Variants in DHX30 observed in about 807,000 individuals in gnomAD.
The protein encoded by DHX30 is DExH-box helicase 30.
Under a neutral mutation model 116.9 loss-of-function variants are expected in DHX30, and 4 were observed. The observed-to-expected ratio is 0.03, with a 90% confidence interval of 0.02 to 0.08. DHX30 has a LOEUF of 0.08. Ranked by LOEUF, DHX30 falls within the 10% of genes least tolerant of loss-of-function variation. The pLI is 1.00. For missense variants in DHX30, 871 were observed against 1,595.1 expected (o/e 0.55, Z 7.73); for synonymous variants, 697 against 651.7 (o/e 1.07, Z -1.06).
At position 47,848,837 on chromosome 3, in the gene DHX30, T is replaced by G. The variant is rs2037751416; in HGVS notation, c.2769+20T>G. The G allele has an allele frequency of 1.2e-6, 2 of 1,602,974 alleles. No individual in the cohort carries two copies. The highest frequency in any genetic ancestry group is 1.1e-5 in the South Asian group (1 of 90,820). On this transcript the variant is annotated intron_variant, in intron 17 of 21. Transcript: ENST00000445061. The surrounding 1 kb of genome is among the most constrained non-coding windows in gnomAD (Gnocchi z 9.4). ...GACAAGGTCAGTCCTGGCTCCTTCC[T>G]GGAGCCGTCCACCCACTGCTGTTCT...
chr3:47,847,030 CT>C lies in DHX30; in HGVS notation c.1929+30del. The C allele has an allele frequency of 6.3e-7, 1 of 1,589,934 alleles. No homozygotes were observed. Among genetic ancestry groups the C allele is most frequent in the Non-Finnish European group, 8.6e-7 (1 of 1,166,548 alleles). ...AGGGACACCCCCATCCCACCCAAGGCTCCTGGCCTTTCCTCCGTGGATGCCC... is the reference window on the plus strand; with the variant it reads ...AGGGACACCCCCATCCCACCCAAGGCCCTGGCCTTTCCTCCGTGGATGCCC... On this transcript the variant is annotated intron_variant, in intron 11 of 21. Coordinates refer to ENST00000445061, the MANE Select transcript of DHX30 (RefSeq NM_138615.3). The surrounding 1 kb of genome is among the most constrained non-coding windows in gnomAD (Gnocchi z 5.5).
chr3:47,829,856 G>A (rs1223305924), intron 6 of DHX30, among the ~76,000 whole-genome samples: 2 of 149,834 alleles, frequency 1.3e-5, no homozygotes, highest in South Asian at 4.2e-4. Flanking sequence ...TTTAATTTTT[G>A]TTTGAGACGG....
chr3:47,845,039 T>G (rs993849273), intron 9 of DHX30, among the ~76,000 whole-genome samples: 1 of 151,960 alleles, frequency 6.6e-6, no homozygotes, highest in East Asian at 1.9e-4. Flanking sequence ...GGTCTGAGGG[T>G]ACATGTTGGG....
rs1039273030 is a variant in DHX30 at position 47,847,486 on chromosome 3, G to A, written c.2060G>A (p.Arg687His). The A allele has an allele frequency of 3.1e-6, 5 of 1,613,010 alleles. No individual in the cohort carries two copies. The highest frequency in any genetic ancestry group is 3.4e-6 in the Non-Finnish European group (4 of 1,179,378). ...GWQEIKGVQQRLQEALGMHES... is the reference protein window; with the variant it reads ...GWQEIKGVQQHLQEALGMHES... ...CAGGAGATCAAAGGAGTGCAGCAGC[G>A]CCTCCAGGAGGCCCTGGGCATGCAC... Residue 687 changes from arginine (R) to histidine (H), a missense_variant, in exon 13 of 22, where the codon CGC (arginine) becomes CAC (histidine). Arg to His is a conservative substitution (Grantham distance 29). Coordinates refer to ENST00000445061, the MANE Select transcript of DHX30 (RefSeq NM_138615.3). This position sits in a 1 kb window ranked among gnomAD's most constrained non-coding sequence, Gnocchi z 5.5.
At chr3:47,804,090 C>T (rs1398431795) in intron 1 of DHX30, among the ~76,000 whole-genome samples, 1 of 152,132 alleles carries the variant, frequency 6.6e-6, no homozygotes, top group Non-Finnish European at 1.5e-5. Context: ...AGGTGGTAAC[C>T]CCACTGTCAT....
intron 4 of DHX30, chr3:47,825,938 C>T (rs1489729469): frequency 1.3e-5 from 2 of 152,080 alleles, no homozygotes; most frequent in Admixed American, 1.3e-4. Context: ...TAGAGGGAGA[C>T]AGGATCAGGT....
At chr3:47,845,129 T>A (rs192353642) in intron 9 of DHX30, among the ~76,000 whole-genome samples, 2 of 152,216 alleles carry the variant, frequency 1.3e-5, no homozygotes, top group Admixed American at 1.3e-4. Context: ...CTCAGGGCCT[T>A]CTCCAGACGT....
In DHX30 at chr3:47,825,393, G is replaced by T. The variant is rs911294811; in HGVS notation, c.125-1954G>T. On this transcript the variant is annotated intron_variant, in intron 4 of 21. Transcript: ENST00000445061. ...GTTCGCCATCCGTCGGCGGGCAGCGGCCTTGCTGTTTGTAAAGCTTAGCGT... is the reference window on the plus strand; with the variant it reads ...GTTCGCCATCCGTCGGCGGGCAGCGTCCTTGCTGTTTGTAAAGCTTAGCGT... The T allele has an allele frequency of 9.5e-6, 5 of 524,920 alleles. No individual in the cohort carries two copies. The African/African-American group carries it at 1.0e-4, about 11-fold the overall frequency. The allele number at this position is 524,920 out of a possible 1,614,324, so 32.5% of individuals were successfully genotyped here. A position where few individuals can be genotyped will look rare whatever the true frequency, so the allele number is the denominator to read the frequency against.
intron 4 of DHX30, among the ~76,000 whole-genome samples, chr3:47,822,707 C>A (rs920618617): frequency 1.3e-5 from 2 of 152,016 alleles, no homozygotes; most frequent in African/African-American, 4.8e-5. Flanking sequence ...ATCGCTTGAA[C>A]CCAGGAGGCA....
At chr3:47,844,933 C>T (rs947790963) in intron 9 of DHX30, among the ~76,000 whole-genome samples, 4 of 151,738 alleles carry the variant, frequency 2.6e-5, no homozygotes, top group East Asian at 1.9e-4. Flanking sequence ...GATTGGGAGG[C>T]GGGATGGAAG....
At chr3:47,828,957 C>G (rs995261046) in intron 5 of DHX30, 67 bp from the exon 6 acceptor site, 24 of 931,462 alleles carry the variant, frequency 2.6e-5, no homozygotes, top group Non-Finnish European at 4.1e-5. Flanking sequence ...TGTTTATTTT[C>G]CATGTAATTT....
In DHX30 at chr3:47,829,291, T is replaced by G. The variant is rs575812930; in HGVS notation, c.366+157T>G. Among the ~76,000 whole-genome samples the G allele has an allele frequency of 2.6e-4, 8 of 30,760 alleles. No homozygotes were observed. The East Asian group carries it at 4.0e-3, about 16-fold the overall frequency. The allele number at this position is 30,760 out of a possible 152,430, so 20.2% of individuals were successfully genotyped here. On this transcript the variant is annotated intron_variant, in intron 6 of 21. Transcript: ENST00000445061. ...TTCTTACTGTTCAGCCAATGAGATATATATATATATATATATATATATATT... is the reference window on the plus strand; with the variant it reads ...TTCTTACTGTTCAGCCAATGAGATAGATATATATATATATATATATATATT...
intron 1 of DHX30, among the ~76,000 whole-genome samples, chr3:47,803,977 C>T (rs2035412187): frequency 6.6e-6 from 1 of 152,210 alleles, no homozygotes; most frequent in African/African-American, 2.4e-5. Context: ...AGCAGGTAGA[C>T]TGCAGAAGGC....
intron 5 of DHX30, among the ~76,000 whole-genome samples, chr3:47,828,497 C>T (rs932600098): frequency 2.1e-5 from 3 of 144,420 alleles, no homozygotes; most frequent in African/African-American, 5.2e-5. Context: ...TGAGGCTGGG[C>T]GCGGTGGCTC....
Position 47,838,896 on chromosome 3 carries a change from T to A in DHX30, c.367-1981T>A, listed in dbSNP as rs2037239199. Among the ~76,000 whole-genome samples the A allele has an allele frequency of 2.6e-5, 4 of 152,088 alleles. No homozygotes were observed. The South Asian group carries it at 8.3e-4, about 32-fold the overall frequency. On this transcript the variant is annotated intron_variant, in intron 6 of 21. Transcript: ENST00000445061. ...TTGTTTGTTTGTTTGTTTTTGGAGATAGGGTCTTGCTCTGTCACCCAGGCT... is the reference window on the plus strand; with the variant it reads ...TTGTTTGTTTGTTTGTTTTTGGAGAAAGGGTCTTGCTCTGTCACCCAGGCT...
chr3:47,816,250 C>A, intron 3 of DHX30: 1 of 984,596 alleles, frequency 1.0e-6, no homozygotes, highest in Non-Finnish European at 1.2e-6. Context: ...ACTTTTTGAC[C>A]AAAATATGAC....
chr3:47,848,080 TCA>T lies in DHX30; in HGVS notation c.2287-99_2287-98del, dbSNP rs1329092472. On this transcript the variant is annotated intron_variant, in intron 14 of 21. Coordinates refer to ENST00000445061, the MANE Select transcript of DHX30 (RefSeq NM_138615.3). This position sits in a 1 kb window ranked among gnomAD's most constrained non-coding sequence, Gnocchi z 9.4. Reference sequence around the variant, plus strand: ...TTCAGAAGGCCGCGCTTGTGGGGTCTCAGTGTTCCTGATGTAGGGGGCTGGTG... The same window carrying T: ...TTCAGAAGGCCGCGCTTGTGGGGTCTGTGTTCCTGATGTAGGGGGCTGGTG... 3 of 1,582,882 alleles carry T rather than the reference TCA, an allele frequency of 1.9e-6. No homozygotes were observed. Among genetic ancestry groups the T allele is most frequent in the East Asian group, 4.5e-5 (2 of 44,586 alleles).
At chr3:47,824,856 C>T (rs918835661) in intron 4 of DHX30, 9 of 457,010 alleles carry the variant, frequency 2.0e-5, no homozygotes, top group Middle Eastern at 5.6e-4. Context: ...CCCTGGGCAG[C>T]GCCGAGCCCG....
At chr3:47,823,910 A>C (rs1484877865) in intron 4 of DHX30, among the ~76,000 whole-genome samples, 1 of 151,888 alleles carries the variant, frequency 6.6e-6, no homozygotes, top group Non-Finnish European at 1.5e-5. Flanking sequence ...CTCAAGTGCC[A>C]CAAAGGGCTT....
Sources: gnomAD v4.1 joint callset for allele counts (sites outside exome capture counted in the v4.1 genomes callset) on GRCh38, gnomAD v4.1.1 for gene constraint, Gnocchi (gnomAD v3.1) non-coding constraint, MANE v1.5 for transcripts, NCBI Gene and HGNC (gene_info 2026-07-23, HGNC 2026-07-21) for gene names.